Variants in ART4 observed in about 807,000 individuals in gnomAD.
The protein encoded by ART4 is ecto-ADP-ribosyltransferase 4.
ART4 carries 14 observed loss-of-function variants against 24.2 expected under a neutral mutation model. The ratio of observed to expected loss-of-function variants is 0.58; its 90% confidence interval spans 0.38 to 0.90. The LOEUF is 0.90. Ranked by LOEUF, ART4 falls within the 40% of genes least tolerant of loss-of-function variation. ART4 has a pLI of 0.00. For missense variants in ART4, 356 were observed against 366.6 expected (o/e 0.97, Z 0.24); for synonymous variants, 145 against 139.9 (o/e 1.04, Z -0.26).
In ART4 at chr12:14,828,594, G is replaced by A. The variant is rs1950373780; in HGVS notation, c.*777C>T. The A allele has an allele frequency of 6.7e-6, 1 of 148,686 alleles. No homozygotes were observed. The highest frequency in any genetic ancestry group is 2.5e-5 in the African/African-American group (1 of 39,798). The allele number at this position is 148,686 out of a possible 1,614,324, so 9.2% of individuals were successfully genotyped here. A position where few individuals can be genotyped will look rare whatever the true frequency, so the allele number is the denominator to read the frequency against. ...TTTGCTTTCTAATTTAATCTTCTTT[G>A]ATTTGTTCCTATTTAGAATAACTAA... On this transcript the variant is annotated 3_prime_UTR_variant, in exon 3 of 3. Transcript: ENST00000228936.
rs377587574 is a variant in ART4, at chr12:14,827,893, A to G, written c.*1478T>C. 2.0e-5 allele frequency: 3 copies of G among 152,318 alleles called. No homozygotes were observed. Among genetic ancestry groups the G allele is most frequent in the East Asian group, 3.9e-4 (2 of 5,182 alleles). 9.4% of individuals were successfully genotyped at this position (152,318 alleles called of 1,614,324 possible). ...TGACACAGGCCATTCAGGAAGTCCT[A>G]TGGAGAGTAAATAGATGGACCGATT... On this transcript the variant is annotated 3_prime_UTR_variant, in exon 3 of 3. Transcript: ENST00000228936.
chr12:14,841,464 A>T (rs1190304969), intron 1 of ART4, among the ~76,000 whole-genome samples: 1 of 152,166 alleles, frequency 6.6e-6, no homozygotes, highest in Non-Finnish European at 1.5e-5. Context: ...AAAAATTCAA[A>T]ATCTTGTAGT....
At chr12:14,836,220 T>A (rs1442361445) in intron 2 of ART4, among the ~76,000 whole-genome samples, 1 of 149,500 alleles carries the variant, frequency 6.7e-6, no homozygotes, top group Non-Finnish European at 1.5e-5. Context: ...ATTTTTTCTT[T>A]CTTTCTATTA....
intron 2 of ART4, among the ~76,000 whole-genome samples, chr12:14,837,857 GGTTCT>G (rs1950441491): frequency 6.6e-6 from 1 of 152,134 alleles, no homozygotes; most frequent in Non-Finnish European, 1.5e-5. Flanking sequence ...AGTCTTCTGA[GGTTCT>G]GTTACGATAA....
intron 2 of ART4, among the ~76,000 whole-genome samples, chr12:14,831,772 A>G (rs982956455): frequency 6.6e-6 from 1 of 151,922 alleles, no homozygotes. Context: ...CTGTCCACTC[A>G]ACATCTCTGC....
At chr12:14,842,468 C>G in intron 1 of ART4, among the ~76,000 whole-genome samples, 1 of 152,120 alleles carries the variant, frequency 6.6e-6, no homozygotes, top group East Asian at 1.9e-4. Flanking sequence ...CTATTTAAGC[C>G]AAGCCGAGCC....
At chr12:14,832,652 C>T (rs1037401564) in intron 2 of ART4, among the ~76,000 whole-genome samples, 2 of 152,128 alleles carry the variant, frequency 1.3e-5, no homozygotes, top group Non-Finnish European at 2.9e-5. Flanking sequence ...AACAAGTGAC[C>T]AATAAATACT....
At chr12:14,841,663 T>C (rs1863053904) in intron 1 of ART4, among the ~76,000 whole-genome samples, 1 of 152,176 alleles carries the variant, frequency 6.6e-6, no homozygotes, top group Non-Finnish European at 1.5e-5. Flanking sequence ...TCTGAAAACA[T>C]TGATAATAAA....
intron 2 of ART4, among the ~76,000 whole-genome samples, chr12:14,839,166 T>A (rs1020073899): frequency 6.6e-6 from 1 of 152,180 alleles, no homozygotes; most frequent in African/African-American, 2.4e-5. Context: ...CAGCATAAAA[T>A]TAAAAGGTCC....
intron 2 of ART4, 195 bp downstream of exon 2, chr12:14,840,250 C>A: frequency 1.9e-6 from 1 of 536,938 alleles, no homozygotes; most frequent in Non-Finnish European, 3.2e-6. Flanking sequence ...ACTTATTGTC[C>A]TGGAGGTAAT....
chr12:14,841,025 C>G lies in ART4; in HGVS notation c.273G>C (p.Lys91Asn). The G allele has an allele frequency of 6.2e-7, 1 of 1,614,174 alleles. No homozygotes were observed. The highest frequency in any genetic ancestry group is 8.5e-7 in the Non-Finnish European group (1 of 1,180,016). ...DYFTKDIEAQ[K>N]NYFRMWQKAH... ...CTTTTTGCCACATCCTAAAATAATT[C>G]TTCTGGGCTTCTATGTCTTTTGTGA... Residue 91 changes from lysine to asparagine, a missense_variant, in exon 2 of 3, where the codon AAG becomes AAC. Coordinates refer to ENST00000228936, the MANE Select transcript of ART4 (RefSeq NM_021071.4).
chr12:14,840,507 C>T lies in ART4; in HGVS notation c.791G>A (p.Gly264Glu), dbSNP rs953139539. The T allele has an allele frequency of 1.9e-6, 3 of 1,614,020 alleles. No homozygotes were observed. In the African/African-American group the frequency reaches 4.0e-5, roughly 22 times the overall value. ...AGTTGACCTCAACTGCAACCAGTCTCCTCTTGGGTGGTAGCTCATATTTAT... is the reference window on the plus strand; with the variant it reads ...AGTTGACCTCAACTGCAACCAGTCTTCTCTTGGGTGGTAGCTCATATTTAT... ...KVINMSYHPR[G>E]DWLQLRSTGN... The change falls in exon 2 of 3, where the codon GGA becomes GAA. Residue 264 changes from glycine to glutamate, a missense_variant. By Grantham distance (98) the Gly-to-Glu change is moderately conservative (BLOSUM62 -2). Coordinates refer to ENST00000228936, the MANE Select transcript of ART4 (RefSeq NM_021071.4).
rs1468936022 is a variant in ART4, at chr12:14,829,890, T to G, written c.854-428A>C. ...AGCCTCACAACAAACCTATGAGATT[T>G]TTATTCTCAATATCCTTGGTTTTTA... On this transcript the variant is annotated intron_variant, in intron 2 of 2. Coordinates refer to ENST00000228936, the MANE Select transcript of ART4 (RefSeq NM_021071.4). Among the ~76,000 whole-genome samples, 3 of 152,206 alleles carry G rather than the reference T, an allele frequency of 2.0e-5. No individual in the cohort carries two copies. In the East Asian group the frequency reaches 5.8e-4, roughly 29 times the overall value.
At chr12:14,835,780 A>G (rs967113701) in intron 2 of ART4, among the ~76,000 whole-genome samples, 3 of 151,798 alleles carry the variant, frequency 2.0e-5, no homozygotes, top group African/African-American at 7.3e-5. Flanking sequence ...TAATTTTTGT[A>G]TTTTTAGTAG....
At chr12:14,838,575 T>A (rs1379288346) in intron 2 of ART4, among the ~76,000 whole-genome samples, 1 of 152,228 alleles carries the variant, frequency 6.6e-6, no homozygotes, top group African/African-American at 2.4e-5. Flanking sequence ...CTCCTGTGTC[T>A]GTGGGGCAGA....
rs763500442 is a variant in ART4 at position 14,840,633 on chromosome 12, T to A, written c.665A>T (p.Asn222Ile). 1.2e-6 allele frequency: 2 copies of A among 1,614,088 alleles called. No individual in the cohort carries two copies. The highest frequency in any genetic ancestry group is 2.2e-5 in the South Asian group (2 of 91,070). ...GGTGAATATGGTAAATAGTGTCTGG[T>A]TCCCAAACTCCTGTGCCTCTTCTTT... is the stretch of plus-strand genomic sequence containing the variant. ...LLKEEAQEFGNQTLFTIFTCL... is the reference protein window; with the variant it reads ...LLKEEAQEFGIQTLFTIFTCL... Residue 222 changes from asparagine (N) to isoleucine (I), a missense_variant, in exon 2 of 3, where the codon AAC becomes ATC. By Grantham distance (149) the Asn-to-Ile change is moderately radical (BLOSUM62 -3). Coordinates refer to ENST00000228936, the MANE Select transcript of ART4 (RefSeq NM_021071.4).
chr12:14,825,984 A>G lies in ART4; in HGVS notation c.*3387T>C, dbSNP rs927517724. ...CATGTATTTGTTTAATAAAATTACT[A>G]TAGGACATAAGTACTCCTTACAGCA... On this transcript the variant is annotated 3_prime_UTR_variant, in exon 3 of 3. Coordinates refer to ENST00000228936, the MANE Select transcript of ART4 (RefSeq NM_021071.4). The G allele has an allele frequency of 3.3e-5, 5 of 152,232 alleles. No individual in the cohort carries two copies. The highest frequency in any genetic ancestry group is 5.9e-5 in the Non-Finnish European group (4 of 68,044). 9.4% of individuals were successfully genotyped at this position (152,232 alleles called of 1,614,324 possible).
chr12:14,829,587 C>G lies in ART4; in HGVS notation c.854-125G>C, dbSNP rs553283709. 6 of 635,960 alleles carry G rather than the reference C, an allele frequency of 9.4e-6. No homozygotes were observed. In the South Asian group the frequency reaches 1.3e-4, roughly 14 times the overall value. 39.4% of individuals were successfully genotyped at this position (635,960 alleles called of 1,614,324 possible). On this transcript the variant is annotated intron_variant, in intron 2 of 2. Transcript: ENST00000228936. ...TAATAAAAACATTTGAAGTTAGCTA[C>G]TTAAAACACATTATTTTAGATTTTT...
At chr12:14,838,350 T>C (rs1260073106) in intron 2 of ART4, among the ~76,000 whole-genome samples, 2 of 152,182 alleles carry the variant, frequency 1.3e-5, no homozygotes, top group African/African-American at 4.8e-5. Flanking sequence ...ATATAAATCT[T>C]CTGTAATTTT....
Sources: allele counts gnomAD v4.1 joint callset (sites outside exome capture counted in the v4.1 genomes callset), GRCh38; gene constraint gnomAD v4.1.1; transcripts MANE v1.5; gene names NCBI Gene and HGNC (gene_info 2026-07-23, HGNC 2026-07-21).